Variants in SRPK2 observed in about 807,000 individuals in gnomAD.
The protein encoded by SRPK2 is SFRS protein kinase 2.
A neutral mutation model predicts 90.8 loss-of-function variants in SRPK2; 21 were observed. That is an observed-to-expected ratio of 0.23 (90% CI 0.16 to 0.33). The LOEUF (loss-of-function observed/expected upper bound fraction) is 0.33, where lower values mean the gene tolerates loss of function less well. SRPK2 is among the 10% of genes least tolerant of loss of function. The pLI is 1.00. For missense variants in SRPK2, 620 were observed against 869.0 expected (o/e 0.71, Z 3.60); for synonymous variants, 288 against 311.1 (o/e 0.93, Z 0.78).
intron 2 of SRPK2, among the ~76,000 whole-genome samples, chr7:105,236,510 G>A (rs1800162552): frequency 6.6e-6 from 1 of 151,922 alleles, no homozygotes; most frequent in African/African-American, 2.4e-5. Flanking sequence ...CTGATATAAT[G>A]GCACTGTGAA....
intron 2 of SRPK2, among the ~76,000 whole-genome samples, chr7:105,383,702 G>A (rs773500338): frequency 1.3e-5 from 2 of 152,146 alleles, no homozygotes; most frequent in Non-Finnish European, 2.9e-5. Context: ...ACAGGCATGA[G>A]CCACCACGCC....
chr7:105,310,637 T>G (rs1440394567), intron 2 of SRPK2, among the ~76,000 whole-genome samples: 1 of 121,456 alleles, frequency 8.2e-6, no homozygotes, highest in African/African-American at 3.5e-5. Context: ...TAGTGAGACC[T>G]TGTCTCAAAA....
intron 2 of SRPK2, among the ~76,000 whole-genome samples, chr7:105,218,835 C>T (rs1797761347): frequency 6.6e-6 from 1 of 151,758 alleles, no homozygotes; most frequent in Non-Finnish European, 1.5e-5. Flanking sequence ...CTGATAAATC[C>T]TATTCATTTT....
intron 2 of SRPK2, among the ~76,000 whole-genome samples, chr7:105,220,512 G>C (rs973408017): frequency 6.6e-6 from 1 of 152,004 alleles, no homozygotes; most frequent in Admixed American, 6.6e-5. Flanking sequence ...GCGACAGAGC[G>C]AGACTCCATC....
intron 2 of SRPK2, among the ~76,000 whole-genome samples, chr7:105,243,038 G>A (rs899335087): frequency 3.3e-5 from 5 of 151,918 alleles, no homozygotes; most frequent in African/African-American, 7.3e-5. Flanking sequence ...TTAGAGACAC[G>A]GTCTCACTCT....
intron 15 of SRPK2, among the ~76,000 whole-genome samples, chr7:105,121,272 G>A: frequency 6.6e-6 from 1 of 151,782 alleles, no homozygotes. Flanking sequence ...TTGAACCCAG[G>A]AGGCAGAGGT....
intron 4 of SRPK2, 100 bp from the exon 5 acceptor site, chr7:105,168,195 C>A: frequency 1.1e-6 from 1 of 904,764 alleles, no homozygotes; most frequent in South Asian, 1.7e-5. Flanking sequence ...AATGTAAAAT[C>A]CAAAATGCGC....
chr7:105,334,432 C>T (rs1046399366), intron 2 of SRPK2, among the ~76,000 whole-genome samples: 3 of 151,482 alleles, frequency 2.0e-5, no homozygotes, highest in African/African-American at 7.3e-5. Context: ...CCATGTTGGC[C>T]AGGCTGGTCT....
chr7:105,309,857 T>A (rs904733982), intron 2 of SRPK2, among the ~76,000 whole-genome samples: 2 of 152,096 alleles, frequency 1.3e-5, no homozygotes, highest in East Asian at 1.9e-4. Flanking sequence ...GGCCACACAC[T>A]CTGTTACACA....
intron 2 of SRPK2, among the ~76,000 whole-genome samples, chr7:105,307,917 A>G (rs906914144): frequency 6.6e-6 from 1 of 152,236 alleles, no homozygotes; most frequent in Non-Finnish European, 1.5e-5. Context: ...TGAAATTCAA[A>G]TTACTTTCTA....
chr7:105,206,848 C>T (rs967953901), intron 2 of SRPK2, among the ~76,000 whole-genome samples: 8 of 152,280 alleles, frequency 5.3e-5, no homozygotes, highest in African/African-American at 1.7e-4. Context: ...GAACTCTGGA[C>T]CTTTCAGATC....
chr7:105,187,228 A>G (rs930621903), intron 3 of SRPK2, among the ~76,000 whole-genome samples: 1 of 152,208 alleles, frequency 6.6e-6, no homozygotes, highest in African/African-American at 2.4e-5. Flanking sequence ...TGTGCCTTCA[A>G]TCTTTAAAAG....
At chr7:105,388,964 ACCCGCCCCCGTCCGGC>A (rs1263964356), upstream of SRPK2, 4 of 1,122,938 alleles carry the variant, frequency 3.6e-6, no homozygotes, top group South Asian at 4.3e-5. Context: ...ACCCAGCAAG[ACCCGCCCCCGTCCGGC>A]CCCGCCCCCG....
At chr7:105,365,531 G>A (rs1032380232) in intron 2 of SRPK2, among the ~76,000 whole-genome samples, 3 of 142,042 alleles carry the variant, frequency 2.1e-5, no homozygotes, top group Non-Finnish European at 4.5e-5. Flanking sequence ...TATATATTTA[G>A]GCCAGGTGCA....
chr7:105,347,749 T>C (rs1198851891), intron 2 of SRPK2, among the ~76,000 whole-genome samples: 2 of 150,678 alleles, frequency 1.3e-5, no homozygotes, highest in Non-Finnish European at 2.9e-5. Context: ...CCCAGCTACT[T>C]GGAAAGCTGA....
At chr7:105,132,205 T>G (rs1248722599) in intron 13 of SRPK2, among the ~76,000 whole-genome samples, 2 of 152,268 alleles carry the variant, frequency 1.3e-5, no homozygotes, top group Non-Finnish European at 2.9e-5. Flanking sequence ...TTGCTGCCAC[T>G]GTTTCAGAAG....
At chr7:105,391,908 T>C (rs1227824623), upstream of SRPK2, among the ~76,000 whole-genome samples, 1 of 152,176 alleles carries the variant, frequency 6.6e-6, no homozygotes, top group African/African-American at 2.4e-5. Context: ...TGTACATGAG[T>C]GTTCATAGCA....
chr7:105,391,912 C>T (rs1372326958), upstream of SRPK2, among the ~76,000 whole-genome samples: 2 of 152,136 alleles, frequency 1.3e-5, no homozygotes, highest in Admixed American at 6.6e-5. Context: ...CATGAGTGTT[C>T]ATAGCAGCGC....
At chr7:105,211,471 C>T (rs1335320562) in intron 2 of SRPK2, among the ~76,000 whole-genome samples, 3 of 152,170 alleles carry the variant, frequency 2.0e-5, no homozygotes, top group African/African-American at 4.8e-5. Context: ...ATCTGCTAAG[C>T]TTCCGGGAAG....
Sources: gnomAD v4.1 joint callset for allele counts (sites outside exome capture counted in the v4.1 genomes callset) on GRCh38, gnomAD v4.1.1 for gene constraint, MANE v1.5 for transcripts, NCBI Gene and HGNC (gene_info 2026-07-23, HGNC 2026-07-21) for gene names.